Variants in ADAMTS2 observed in about 807,000 individuals in gnomAD.
ADAMTS2 encodes A disintegrin and metalloproteinase with thrombospondin motifs 2.
Under a neutral mutation model 123.0 loss-of-function variants are expected in ADAMTS2, and 50 were observed. The observed-to-expected ratio is 0.41, with a 90% CI of 0.32 to 0.51. The LOEUF (loss-of-function observed/expected upper bound fraction) is 0.51. Ranked by LOEUF, ADAMTS2 falls within the 20% of genes least tolerant of loss-of-function variation. The pLI is 0.35. For missense variants in ADAMTS2, 1,494 were observed against 1,705.2 expected (o/e 0.88, Z 2.18); for synonymous variants, 678 against 695.4 (o/e 0.98, Z 0.39).
chr5:179,245,562 C>G (rs995139113), intron 3 of ADAMTS2, among the ~76,000 whole-genome samples: 2 of 148,950 alleles, frequency 1.3e-5, no homozygotes, highest in African/African-American at 5.1e-5. Context: ...GTCAGGAGAT[C>G]GAGACCATCC....
Position 179,154,894 on chromosome 5 carries a change from G to A in ADAMTS2, c.1158C>T (p.Cys386=). 6.2e-7 allele frequency: 1 copy of A among 1,613,532 alleles called. No individual in the cohort carries two copies. The highest frequency in any genetic ancestry group is 8.5e-7 in the Non-Finnish European group (1 of 1,179,922). Residue 386 remains cysteine (C), a synonymous_variant, in exon 7 of 22, where the codon TGC becomes TGT. Coordinates refer to ENST00000251582, the MANE Select transcript of ADAMTS2 (RefSeq NM_014244.5). ...MQGYAPVTGM[C]HPVRSCTLNH... Reference sequence around the variant, plus strand: ...TCAGGGTGCAGCTGCGGACCGGATGGCACATGCCGGTGACAGGAGCATAGC... The same window carrying A: ...TCAGGGTGCAGCTGCGGACCGGATGACACATGCCGGTGACAGGAGCATAGC...
chr5:179,218,702 G>A (rs190195322), intron 3 of ADAMTS2, among the ~76,000 whole-genome samples: 60 of 152,334 alleles, frequency 3.9e-4, no homozygotes, highest in African/African-American at 1.2e-3. Flanking sequence ...CCGCTGTGCC[G>A]AATCTCAGGG....
chr5:179,194,342 C>T (rs60120139), intron 4 of ADAMTS2, among the ~76,000 whole-genome samples: 2,549 of 152,294 alleles, frequency 0.017, 86 homozygotes, highest in African/African-American at 0.057. Flanking sequence ...GTGCTCCCTG[C>T]GGTCTGGATC....
rs540413159 is a variant in ADAMTS2, at chr5:179,255,591, C to A, written c.688+17320G>T. Among the ~76,000 whole-genome samples, 14 of 152,298 alleles carry A rather than the reference C, an allele frequency of 9.2e-5. No homozygotes were observed. In the South Asian group the frequency reaches 2.9e-3, roughly 32 times the overall value. ...CCTTCCTACAATTCAATCTTGGGGT[C>A]CCCTCACTTTCTGTCCCATCTCCCA... On this transcript the variant is annotated intron_variant, in intron 3 of 21. Transcript: ENST00000251582.
At position 179,307,198 on chromosome 5, in the gene ADAMTS2, C is replaced by T. The variant is rs1436506551; in HGVS notation, c.535-34134G>A. 2.0e-5 allele frequency among the ~76,000 whole-genome samples: 3 copies of T among 152,330 alleles called. No individual in the cohort carries two copies. Among genetic ancestry groups the T allele is most frequent in the Admixed American group, 1.3e-4 (2 of 15,306 alleles). On this transcript the variant is annotated intron_variant, in intron 2 of 21. Transcript: ENST00000251582. This position sits in a 1 kb window ranked among gnomAD's most constrained non-coding sequence, Gnocchi z 5.6. ...CGCACTGCAGAGCTGCCCCGGCCCA[C>T]GCGCCCCTGCCCTGCTGTGCTCCGC...
At chr5:179,166,929 C>T (rs1424863633) in intron 5 of ADAMTS2, among the ~76,000 whole-genome samples, 2 of 152,206 alleles carry the variant, frequency 1.3e-5, no homozygotes, top group African/African-American at 4.8e-5. Flanking sequence ...ACCCCGGCTG[C>T]TGGGCGCTCA....
intron 3 of ADAMTS2, among the ~76,000 whole-genome samples, chr5:179,270,749 G>A (rs914054168): frequency 6.6e-6 from 1 of 152,198 alleles, no homozygotes; most frequent in Non-Finnish European, 1.5e-5. Flanking sequence ...TCAGTGTGTC[G>A]ATCTCAGCCC....
At chr5:179,195,545 T>C (rs1259820485) in intron 4 of ADAMTS2, among the ~76,000 whole-genome samples, 1 of 152,144 alleles carries the variant, frequency 6.6e-6, no homozygotes, top group African/African-American at 2.4e-5. Context: ...GCAGCAGTGG[T>C]CTGCTTATTC....
chr5:179,336,873 G>A (rs763738219), intron 2 of ADAMTS2, among the ~76,000 whole-genome samples: 1 of 152,188 alleles, frequency 6.6e-6, no homozygotes, highest in Non-Finnish European at 1.5e-5. Flanking sequence ...GGGTTAACCC[G>A]TGAAATGCAC....
chr5:179,141,107 G>A lies in ADAMTS2; in HGVS notation c.1630-1072C>T, dbSNP rs150776777. On this transcript the variant is annotated intron_variant, in intron 10 of 21. Coordinates refer to ENST00000251582, the MANE Select transcript of ADAMTS2 (RefSeq NM_014244.5). ...TAGGATTACAGGCGTGAGCCACCGC[G>A]CCCGGCCGACTGCATACTCTTTAAC... is the stretch of plus-strand genomic sequence containing the variant. Among the ~76,000 whole-genome samples, 459 of 151,848 alleles carry A rather than the reference G, an allele frequency of 3.0e-3. 1 individual carries two copies. The highest frequency in any genetic ancestry group is 0.01 in the East Asian group (54 of 5,156).
intron 3 of ADAMTS2, among the ~76,000 whole-genome samples, chr5:179,208,722 T>G (rs115450220): frequency 1.2e-4 from 19 of 152,190 alleles, no homozygotes; most frequent in African/African-American, 4.3e-4. Flanking sequence ...CAGACCACAC[T>G]GCCCACCGCC....
chr5:179,118,462 T>C lies in ADAMTS2; in HGVS notation c.3178+3199A>G, dbSNP rs752268139. The stretch of plus-strand genomic sequence containing the variant: ...TCTTCCAGTGAATGACAATCAACCA[T>C]TGAGAGTAAACACAGTTTTCATAAA... On this transcript the variant is annotated intron_variant, in intron 21 of 21. Coordinates refer to ENST00000251582, the MANE Select transcript of ADAMTS2 (RefSeq NM_014244.5). This position sits in a 1 kb window ranked among gnomAD's most constrained non-coding sequence, Gnocchi z 4.5. Among the ~76,000 whole-genome samples the C allele has an allele frequency of 6.6e-5, 10 of 152,180 alleles. No individual in the cohort carries two copies. The highest frequency in any genetic ancestry group is 1.3e-4 in the Non-Finnish European group (9 of 68,034).
At chr5:179,182,235 A>G (rs1419063582) in intron 4 of ADAMTS2, among the ~76,000 whole-genome samples, 2 of 152,290 alleles carry the variant, frequency 1.3e-5, no homozygotes, top group East Asian at 3.9e-4. Context: ...GCTAAGCAGC[A>G]CCTGGCAGGC....
rs1021204238 is a variant in ADAMTS2 at position 179,186,977 on chromosome 5, G to A, written c.892-5822C>T. Among the ~76,000 whole-genome samples the A allele has an allele frequency of 4.6e-5, 7 of 152,118 alleles. No individual in the cohort carries two copies. In the South Asian group the frequency reaches 8.3e-4, roughly 18 times the overall value. On this transcript the variant is annotated intron_variant, in intron 4 of 21. Transcript: ENST00000251582. ...GGGCCCAGCCCCTCGCCTGGCATTC[G>A]GAGCCCTCTCCACGCTGGCCCTGGC...
At chr5:179,121,364 C>A in intron 21 of ADAMTS2, 2 of 232,834 alleles carry the variant, frequency 8.6e-6, no homozygotes, top group Non-Finnish European at 1.7e-5. Context: ...GGGCTCGGCC[C>A]GGAGGGTCGC....
chr5:179,336,423 G>T (rs976867335), intron 2 of ADAMTS2, among the ~76,000 whole-genome samples: 2 of 152,254 alleles, frequency 1.3e-5, no homozygotes, highest in African/African-American at 4.8e-5. Flanking sequence ...GTTCCCGGGA[G>T]CCGTGACAAG....
chr5:179,326,861 G>A (rs898457160), intron 2 of ADAMTS2, among the ~76,000 whole-genome samples: 1 of 152,110 alleles, frequency 6.6e-6, no homozygotes, highest in South Asian at 2.1e-4. Context: ...GAAGTCATGG[G>A]AAGGAGAGGG....
At chr5:179,230,000 G>T (rs922021487) in intron 3 of ADAMTS2, among the ~76,000 whole-genome samples, 2 of 152,150 alleles carry the variant, frequency 1.3e-5, no homozygotes, top group Non-Finnish European at 2.9e-5. Flanking sequence ...TTGGCACACT[G>T]CACCAAAGCA....
In ADAMTS2 at chr5:179,114,888, C is replaced by T. The variant is rs546917343; in HGVS notation, c.3179-564G>A. ...GTTGCTCCCATTCTGACCCAGATGC[C>T]CCGGACGATCTTTTAACTGAACAGC... On this transcript the variant is annotated intron_variant, in intron 21 of 21. Transcript: ENST00000251582. Among the ~76,000 whole-genome samples the T allele has an allele frequency of 2.6e-5, 4 of 152,316 alleles. No individual in the cohort carries two copies. In the East Asian group the frequency reaches 5.8e-4, roughly 22 times the overall value.
Sources: gnomAD v4.1 joint callset for allele counts (sites outside exome capture counted in the v4.1 genomes callset) on GRCh38, gnomAD v4.1.1 for gene constraint, Gnocchi (gnomAD v3.1) non-coding constraint, MANE v1.5 for transcripts, NCBI Gene and HGNC (gene_info 2026-07-23, HGNC 2026-07-21) for gene names.